Variants in THADA observed in about 807,000 individuals in gnomAD.
The protein encoded by THADA is tRNA (32-2'-O)-methyltransferase regulator THADA.
THADA carries 213 observed loss-of-function variants against 219.8 expected under a neutral mutation model. The ratio of observed to expected loss-of-function variants is 0.97; its 90% CI spans 0.87 to 1.09. The LOEUF is 1.09. THADA is among the 50% of genes least tolerant of loss of function. The probability of loss-of-function intolerance (pLI) is 0.00; values close to 1 mark genes in which losing one functional copy is unlikely to be tolerated. For missense variants in THADA, 2,956 were observed against 2,311.3 expected (o/e 1.28, Z -5.72); for synonymous variants, 1,018 against 828.9 (o/e 1.23, Z -3.92).
Position 43,566,814 on chromosome 2 carries a change from A to G in THADA, c.2195T>C (p.Met732Thr). 1 of 1,444,012 alleles carries G rather than the reference A, an allele frequency of 6.9e-7. No homozygotes were observed. Among genetic ancestry groups the G allele is most frequent in the Non-Finnish European group, 9.1e-7 (1 of 1,100,562 alleles). The allele number at this position is 1,444,012 out of a possible 1,614,324, so 89.4% of individuals were successfully genotyped here. Residue 732 changes from methionine to threonine, a missense_variant, in exon 15 of 38, where the codon ATG becomes ACG. By Grantham distance (81) the Met-to-Thr change is moderately conservative (BLOSUM62 -1). Transcript: ENST00000405975. ...AAAAAGACTGTTACAAATGGATGAC[A>G]TGAAATTCTTAAAAAAAAAAAAAAA... ...SVSLQQYKNF[M>T]SSICNSLFEA...
At chr2:43,354,925 T>C (rs1668714176) in intron 29 of THADA, among the ~76,000 whole-genome samples, 1 of 152,114 alleles carries the variant, frequency 6.6e-6, no homozygotes, top group Admixed American at 6.5e-5. Flanking sequence ...AAGGGGTTTT[T>C]CCCCCTTTTC....
At chr2:43,251,556 C>T (rs761470451) in intron 36 of THADA, among the ~76,000 whole-genome samples, 5 of 152,198 alleles carry the variant, frequency 3.3e-5, no homozygotes, top group Non-Finnish European at 7.3e-5. Context: ...TGCGAAACAC[C>T]GGTCTGGGAA....
At chr2:43,577,420 A>G (rs911582896) in intron 9 of THADA, among the ~76,000 whole-genome samples, 178 bp from the exon 10 acceptor site, 1 of 152,176 alleles carries the variant, frequency 6.6e-6, no homozygotes, top group Non-Finnish European at 1.5e-5. Context: ...GAAAAAAATT[A>G]CATCAAGTAC....
intron 24 of THADA, among the ~76,000 whole-genome samples, chr2:43,501,072 G>A (rs535862649): frequency 3.9e-4 from 59 of 151,830 alleles, no homozygotes; most frequent in African/African-American, 1.4e-3. Flanking sequence ...TTGGGAAGCT[G>A]AAGTAGGTGG....
intron 30 of THADA, among the ~76,000 whole-genome samples, chr2:43,341,824 T>C (rs1222457513): frequency 1.2e-4 from 18 of 152,144 alleles, no homozygotes; most frequent in Non-Finnish European, 2.9e-5. Context: ...GTGATATGTA[T>C]CTTTGGGATG....
chr2:43,549,874 A>G (rs1696546977), intron 19 of THADA, among the ~76,000 whole-genome samples: 1 of 152,226 alleles, frequency 6.6e-6, no homozygotes, highest in African/African-American at 2.4e-5. Flanking sequence ...GTTTAAAGAT[A>G]GAAAGGTAAA....
rs557085276 is a variant in THADA at position 43,363,584 on chromosome 2, T to A, written c.4228-19347A>T. 1.0e-3 allele frequency among the ~76,000 whole-genome samples: 157 copies of A among 152,316 alleles called. 1 individual carries two copies. Among genetic ancestry groups the A allele is most frequent in the African/African-American group, 3.7e-3 (153 of 41,574 alleles). ...AGATTTCTCATCTGATCCAGAGGGA[T>A]GTCTTCAACTTTGGTTATCACTGGT... On this transcript the variant is annotated intron_variant, in intron 29 of 37. Coordinates refer to ENST00000405975, the MANE Select transcript of THADA (RefSeq NM_022065.5).
chr2:43,405,096 G>A (rs34023310), intron 28 of THADA, among the ~76,000 whole-genome samples: 34,149 of 152,120 alleles, frequency 0.22, 3,926 homozygotes, highest in South Asian at 0.31. Context: ...TAAATGAGCT[G>A]GAAAGGAGAG....
intron 13 of THADA, 28 bp downstream of exon 13, chr2:43,571,679 C>T: frequency 1.9e-6 from 3 of 1,598,524 alleles, no homozygotes; most frequent in Middle Eastern, 1.7e-4. Context: ...TTCACCACTT[C>T]CCTATGCCTT....
At chr2:43,536,081 C>T (rs1016403029) in intron 21 of THADA, among the ~76,000 whole-genome samples, 1 of 152,138 alleles carries the variant, frequency 6.6e-6, no homozygotes, top group Non-Finnish European at 1.5e-5. Context: ...GGATTACAGG[C>T]ATGACCCACC....
chr2:43,232,952 C>A, intron 36 of THADA, 70 bp from the exon 37 acceptor site: 2 of 1,486,830 alleles, frequency 1.3e-6, no homozygotes, highest in Non-Finnish European at 1.8e-6. Context: ...GCCTGCAGGA[C>A]CCTGGGAACA....
chr2:43,466,449 C>T (rs567392739), intron 26 of THADA, among the ~76,000 whole-genome samples: 6 of 152,184 alleles, frequency 3.9e-5, no homozygotes, highest in Non-Finnish European at 8.8e-5. Context: ...CATCCCTACT[C>T]TGTGTGTCCA....
chr2:43,470,269 G>C (rs535184561), intron 26 of THADA, among the ~76,000 whole-genome samples: 1 of 150,580 alleles, frequency 6.6e-6, no homozygotes, highest in African/African-American at 2.4e-5. Context: ...TGTAAATAGA[G>C]TCTGAGGCCA....
intron 16 of THADA, among the ~76,000 whole-genome samples, chr2:43,557,463 TC>T (rs1423951884): frequency 6.6e-6 from 1 of 152,094 alleles, no homozygotes; most frequent in African/African-American, 2.4e-5. Flanking sequence ...AAACTGCAAA[TC>T]CCCTGGGAGG....
chr2:43,566,114 T>C (rs1698648284), intron 15 of THADA: 1 of 228,918 alleles, frequency 4.4e-6, no homozygotes, highest in Non-Finnish European at 8.2e-6. Flanking sequence ...AATCATTTCT[T>C]GTCAAAAAGG....
At chr2:43,390,742 C>A (rs1198267610) in intron 29 of THADA, among the ~76,000 whole-genome samples, 1 of 152,194 alleles carries the variant, frequency 6.6e-6, no homozygotes. Context: ...GAGCAGTAAT[C>A]TTGGAGGGCA....
Position 43,591,037 on chromosome 2 carries a change from A to G in THADA, c.172-83T>C, listed in dbSNP as rs138409962. 5.0e-4 allele frequency: 668 copies of G among 1,347,358 alleles called. 4 individuals are homozygous for G. The African/African-American group carries it at 8.7e-3, about 18-fold the overall frequency. The allele number at this position is 1,347,358 out of a possible 1,614,324, so 83.5% of individuals were successfully genotyped here. A position where few individuals can be genotyped will look rare whatever the true frequency, so the allele number is the denominator to read the frequency against. On this transcript the variant is annotated intron_variant, in intron 3 of 37. Transcript: ENST00000405975. Reference sequence around the variant, plus strand: ...GTTACAGATACTCTTTGAAGTCTCAATTGCTGGGTACAGTGGCTCACCCCT... The same window carrying G: ...GTTACAGATACTCTTTGAAGTCTCAGTTGCTGGGTACAGTGGCTCACCCCT...
chr2:43,531,783 T>G (rs1055260008), intron 21 of THADA, among the ~76,000 whole-genome samples: 2 of 152,174 alleles, frequency 1.3e-5, no homozygotes, highest in Non-Finnish European at 2.9e-5. Flanking sequence ...GGATAATGGA[T>G]GTACAAAATA....
At chr2:43,427,447 T>C (rs1678595274) in intron 28 of THADA, among the ~76,000 whole-genome samples, 1 of 150,842 alleles carries the variant, frequency 6.6e-6, no homozygotes, top group Admixed American at 6.6e-5. Context: ...TCTGAAACAC[T>C]GGGGGCAATG....
Sources: gnomAD v4.1 joint callset for allele counts (sites outside exome capture counted in the v4.1 genomes callset) on GRCh38, gnomAD v4.1.1 for gene constraint, MANE v1.5 for transcripts, NCBI Gene and HGNC (gene_info 2026-07-23, HGNC 2026-07-21) for gene names.